Variants in PLCE1 observed in about 807,000 individuals in gnomAD.
PLCE1 encodes phospholipase C epsilon 1.
PLCE1 carries 119 observed loss-of-function variants against 242.8 expected under a neutral mutation model. The observed-to-expected ratio is 0.49, with a 90% CI of 0.42 to 0.57. The LOEUF is 0.57. Ranked by LOEUF, PLCE1 falls within the 20% of genes least tolerant of loss-of-function variation. The pLI, the probability that PLCE1 is intolerant of heterozygous loss-of-function variation, is 0.00. For missense variants in PLCE1, 2,441 were observed against 2,788.8 expected (o/e 0.88, Z 2.81); for synonymous variants, 945 against 1,017.4 (o/e 0.93, Z 1.35).
intron 4 of PLCE1, among the ~76,000 whole-genome samples, chr10:94,197,478 C>T (rs565760014): frequency 3.2e-4 from 49 of 152,300 alleles, no homozygotes; most frequent in Non-Finnish European, 5.6e-4. Context: ...TATCCACATT[C>T]CTATCAACAC....
chr10:94,174,855 G>T (rs987358784), intron 4 of PLCE1, among the ~76,000 whole-genome samples: 2 of 152,086 alleles, frequency 1.3e-5, no homozygotes, highest in Non-Finnish European at 2.9e-5. Flanking sequence ...ACTAGAAAAA[G>T]ACATTAATGG....
At chr10:94,301,987 TCAA>T (rs2053054762) in intron 24 of PLCE1, among the ~76,000 whole-genome samples, 1 of 152,314 alleles carries the variant, frequency 6.6e-6, no homozygotes, top group South Asian at 2.1e-4. Flanking sequence ...TAGAAGACCA[TCAA>T]GGCAATGGTA....
At chr10:94,017,319 A>AT (rs113514408) in intron 1 of PLCE1, among the ~76,000 whole-genome samples, 2,274 of 152,254 alleles carry the variant, frequency 0.015, 23 homozygotes, top group African/African-American at 0.03. Context: ...TGTTTGCTTC[A>AT]TTTTTTTCTT....
At chr10:94,143,095 C>A (rs1473489677) in intron 3 of PLCE1, among the ~76,000 whole-genome samples, 1 of 152,106 alleles carries the variant, frequency 6.6e-6, no homozygotes, top group Non-Finnish European at 1.5e-5. Flanking sequence ...GTCCCTATAC[C>A]ATCTTCATTG....
At chr10:94,047,452 G>T (rs1053748624) in intron 2 of PLCE1, among the ~76,000 whole-genome samples, 6 of 152,050 alleles carry the variant, frequency 3.9e-5, no homozygotes, top group African/African-American at 1.4e-4. Flanking sequence ...AGGCCCTTTT[G>T]CCATTTTGTT....
rs2053955734 is a variant in PLCE1, at chr10:94,324,953, A to C, written c.6782A>C (p.Lys2261Thr). The C allele has an allele frequency of 1.4e-5, 22 of 1,614,092 alleles. No homozygotes were observed. Among genetic ancestry groups the C allele is most frequent in the Admixed American group, 3.3e-5 (2 of 59,998 alleles). The change falls in exon 32 of 33, where the codon AAG becomes ACG. Residue 2261 changes from lysine to threonine, a missense_variant. Transcript: ENST00000371380. ...SFASELKKLT[K>T]STKQPRGLTS... The stretch of plus-strand genomic sequence containing the variant: ...GCAAGTGAACTCAAGAAGCTCACCA[A>C]GTCAACTAAACAGCCCCGAGGACTT...
At chr10:94,255,956 T>TCTCTCC (rs2051075950) in intron 11 of PLCE1, among the ~76,000 whole-genome samples, 1 of 118,532 alleles carries the variant, frequency 8.4e-6, no homozygotes, top group Non-Finnish European at 1.9e-5. Context: ...TCTCTCTCTC[T>TCTCTCC]CCCCACCCCT....
intron 3 of PLCE1, among the ~76,000 whole-genome samples, chr10:94,164,819 G>T (rs1031435334): frequency 6.6e-6 from 1 of 152,144 alleles, no homozygotes; most frequent in African/African-American, 2.4e-5. Flanking sequence ...TTTTGATGTG[G>T]ATGTCCTTTC....
intron 2 of PLCE1, among the ~76,000 whole-genome samples, chr10:94,121,716 A>C (rs1230013535): frequency 6.6e-6 from 1 of 151,964 alleles, no homozygotes; most frequent in Non-Finnish European, 1.5e-5. Flanking sequence ...TACTCTTTCC[A>C]CTCTACCCTA....
chr10:94,164,673 T>C (rs563382368), intron 3 of PLCE1, among the ~76,000 whole-genome samples: 1 of 152,368 alleles, frequency 6.6e-6, no homozygotes, highest in Admixed American at 6.5e-5. Context: ...GTTCCGTTGC[T>C]GGTGAGGAGC....
At chr10:94,180,529 A>G (rs988090104) in intron 4 of PLCE1, among the ~76,000 whole-genome samples, 4 of 152,170 alleles carry the variant, frequency 2.6e-5, no homozygotes, top group African/African-American at 9.7e-5. Context: ...TTGCCCCCAA[A>G]ATCTAAAGGA....
chr10:94,280,637 G>A (rs1858610), intron 20 of PLCE1: 52,180 of 152,072 alleles, frequency 0.34, 9,076 homozygotes, highest in Middle Eastern at 0.47. Context: ...TGTCTGAAAG[G>A]CAACAATATA....
chr10:94,049,897 C>T (rs1168573542), intron 2 of PLCE1, among the ~76,000 whole-genome samples: 1 of 152,156 alleles, frequency 6.6e-6, no homozygotes, highest in Non-Finnish European at 1.5e-5. Flanking sequence ...TCCTTTTACC[C>T]AACCTTATAT....
intron 29 of PLCE1, among the ~76,000 whole-genome samples, chr10:94,318,727 GAGCTGGGGA>G (rs1267329983): frequency 5.3e-5 from 8 of 152,302 alleles, no homozygotes; most frequent in Non-Finnish European, 1.2e-4. Context: ...ATGCTCAGAG[GAGCTGGGGA>G]GGTGAGGGAC....
Position 94,032,007 on chromosome 10 carries a change from C to T in PLCE1, c.961C>T (p.Arg321Ter), listed in dbSNP as rs267606954. 26 of 1,613,614 alleles carry T rather than the reference C, an allele frequency of 1.6e-5. No homozygotes were observed. Among genetic ancestry groups the T allele is most frequent in the South Asian group, 3.3e-5 (3 of 91,068 alleles). The change falls in exon 2 of 33, where the codon CGA (arginine) becomes TGA (stop). Residue 321 changes from arginine to a stop codon, truncating the protein, a stop_gained. Coordinates refer to ENST00000371380, the MANE Select transcript of PLCE1 (RefSeq NM_016341.4). LOFTEE classifies it high-confidence loss of function. ...AGACGCTTTTAAAAGCAAAAAGGAG[C>T]GATCCACTTTGTTAGTCAGGAGATT... ...EEDAFKSKKE[R>*]STLLVRRFCK...
chr10:94,310,847 C>T (rs2053365274), intron 27 of PLCE1, among the ~76,000 whole-genome samples: 1 of 152,074 alleles, frequency 6.6e-6, no homozygotes, highest in African/African-American at 2.4e-5. Context: ...GTGTCAGATC[C>T]CACACATTGA....
intron 4 of PLCE1, among the ~76,000 whole-genome samples, chr10:94,215,032 A>G (rs2049472882): frequency 6.6e-6 from 1 of 152,132 alleles, no homozygotes; most frequent in Admixed American, 6.5e-5. Flanking sequence ...TCTGCTGCCC[A>G]ATCATCTCAG....
At chr10:94,178,792 A>T (rs2048204948) in intron 4 of PLCE1, among the ~76,000 whole-genome samples, 1 of 152,254 alleles carries the variant, frequency 6.6e-6, no homozygotes, top group African/African-American at 2.4e-5. Context: ...ATAGCATATT[A>T]TAACGATGTG....
intron 18 of PLCE1, among the ~76,000 whole-genome samples, chr10:94,270,818 C>T (rs939147531): frequency 1.6e-4 from 24 of 152,166 alleles, no homozygotes; most frequent in East Asian, 3.9e-4. Context: ...TACCAGCATG[C>T]GCCCCCATGC....
Sources: allele counts gnomAD v4.1 joint callset (sites outside exome capture counted in the v4.1 genomes callset), GRCh38; gene constraint gnomAD v4.1.1; transcripts MANE v1.5; gene names NCBI Gene and HGNC (gene_info 2026-07-23, HGNC 2026-07-21).